Variants in IMMP2L observed in about 807,000 individuals in gnomAD.
IMMP2L encodes the protein mitochondrial inner membrane protease subunit 2.
A neutral mutation model predicts 19.3 loss-of-function variants in IMMP2L; 18 were observed. That is an observed-to-expected ratio of 0.93 (90% CI 0.64 to 1.38). The LOEUF (loss-of-function observed/expected upper bound fraction) is 1.38. Ranked by LOEUF, IMMP2L falls within the 40% of genes most tolerant of loss-of-function variation. IMMP2L has a pLI of 0.00. For missense variants in IMMP2L, 233 were observed against 218.2 expected (o/e 1.07, Z -0.43); for synonymous variants, 76 against 73.0 (o/e 1.04, Z -0.21).
intron 3 of IMMP2L, among the ~76,000 whole-genome samples, chr7:111,077,060 C>A (rs1490039154): frequency 6.6e-6 from 1 of 152,164 alleles, no homozygotes; most frequent in African/African-American, 2.4e-5. Flanking sequence ...GAAAGGCTGG[C>A]TTGCTGTATT....
In IMMP2L at chr7:111,286,579, C is replaced by T. The variant is rs138841904; in HGVS notation, c.239+200659G>A. On this transcript the variant is annotated intron_variant, in intron 3 of 5. Transcript: ENST00000405709. ...TATTATGCAAATATTATCATAGAGA[C>T]CGTTTTGATAAGGACAAAGTGGCAT... 4.2e-3 allele frequency among the ~76,000 whole-genome samples: 636 copies of T among 152,098 alleles called. 5 individuals carry two copies. The highest frequency in any genetic ancestry group is 0.015 in the African/African-American group (610 of 41,518).
At chr7:110,735,149 C>T (rs746355767) in intron 5 of IMMP2L, among the ~76,000 whole-genome samples, 4 of 152,072 alleles carry the variant, frequency 2.6e-5, no homozygotes, top group Admixed American at 6.6e-5. Flanking sequence ...CTGACACGTG[C>T]GCAGTAAGGG....
At chr7:111,434,834 C>T (rs1189033915) in intron 3 of IMMP2L, among the ~76,000 whole-genome samples, 1 of 151,886 alleles carries the variant, frequency 6.6e-6, no homozygotes, top group African/African-American at 2.4e-5. Flanking sequence ...GATTTACAAG[C>T]ATGAGCCACT....
At chr7:111,330,274 A>G (rs1190017850) in intron 3 of IMMP2L, among the ~76,000 whole-genome samples, 1 of 151,878 alleles carries the variant, frequency 6.6e-6, no homozygotes. Flanking sequence ...GAAAAATAGT[A>G]GAAAATCAAC....
intron 4 of IMMP2L, among the ~76,000 whole-genome samples, chr7:110,956,157 C>T (rs2045796409): frequency 6.6e-6 from 1 of 151,786 alleles, no homozygotes; most frequent in African/African-American, 2.4e-5. Context: ...TTGCTAATAC[C>T]AGAAAGTTGT....
intron 3 of IMMP2L, among the ~76,000 whole-genome samples, chr7:111,313,095 A>G (rs898332636): frequency 2.6e-5 from 4 of 152,112 alleles, no homozygotes; most frequent in African/African-American, 4.8e-5. Flanking sequence ...ATGCTCTGTT[A>G]TTGCTCAACA....
At chr7:110,734,842 G>A (rs1051690649) in intron 5 of IMMP2L, among the ~76,000 whole-genome samples, 1 of 152,122 alleles carries the variant, frequency 6.6e-6, no homozygotes, top group African/African-American at 2.4e-5. Context: ...GGTAAGAAAG[G>A]CTATAGAGAA....
chr7:111,415,504 C>T (rs1479517866), intron 3 of IMMP2L, among the ~76,000 whole-genome samples: 1 of 151,788 alleles, frequency 6.6e-6, no homozygotes, highest in African/African-American at 2.4e-5. Context: ...AAAACTAATA[C>T]AGTCTGTTAC....
chr7:111,522,926 C>CATATATATATATATATGTATATATAT lies in IMMP2L; in HGVS notation c.-2-1478_-2-1477insATATATATACATATATATATATATAT, dbSNP rs148789480. On this transcript the variant is annotated intron_variant, in intron 1 of 5. Transcript: ENST00000405709. ...TGAATGAACTTTAAGATGTGAGATA[C>CATATATATATATATATGTATATATAT]ATATATATATATTATTTCACCATAA... Among the ~76,000 whole-genome samples, 14 of 134,868 alleles carry CATATATATATATATATGTATATATAT rather than the reference C, an allele frequency of 1.0e-4. 1 individual carries two copies. The highest frequency in any genetic ancestry group is 2.8e-4 in the African/African-American group (9 of 31,668). The allele number at this position is 134,868 out of a possible 152,430, so 88.5% of individuals were successfully genotyped here.
chr7:111,441,915 G>A (rs1837772620), intron 3 of IMMP2L, among the ~76,000 whole-genome samples: 1 of 151,698 alleles, frequency 6.6e-6, no homozygotes. Context: ...AAGGCGGGCA[G>A]ATCACAAGGT....
At chr7:111,253,638 G>C (rs141420132) in intron 3 of IMMP2L, among the ~76,000 whole-genome samples, 50 of 152,284 alleles carry the variant, frequency 3.3e-4, no homozygotes, top group African/African-American at 1.1e-3. Flanking sequence ...AATCAGGAGA[G>C]TATAAGGTGT....
chr7:111,293,534 T>A (rs891003447), intron 3 of IMMP2L, among the ~76,000 whole-genome samples: 1 of 151,826 alleles, frequency 6.6e-6, no homozygotes, highest in Non-Finnish European at 1.5e-5. Flanking sequence ...ATAACTACTG[T>A]TTGACAAAGC....
chr7:110,737,432 A>G (rs572489407), intron 5 of IMMP2L, among the ~76,000 whole-genome samples: 3 of 152,244 alleles, frequency 2.0e-5, no homozygotes, highest in African/African-American at 7.2e-5. Context: ...CTGGCAACTC[A>G]GCAGAGGAAA....
At chr7:110,724,806 T>A (rs1562939071) in intron 5 of IMMP2L, among the ~76,000 whole-genome samples, 1 of 152,300 alleles carries the variant, frequency 6.6e-6, no homozygotes, top group East Asian at 1.9e-4. Context: ...CCTCCCCTCA[T>A]CAATAATCAC....
chr7:110,759,066 T>A (rs1798199256), intron 5 of IMMP2L, among the ~76,000 whole-genome samples: 1 of 152,132 alleles, frequency 6.6e-6, no homozygotes, highest in Non-Finnish European at 1.5e-5. Flanking sequence ...CTGTTTTGTA[T>A]AAATGCACGT....
chr7:110,994,136 T>TC (rs1822787245), intron 3 of IMMP2L, among the ~76,000 whole-genome samples: 1 of 148,910 alleles, frequency 6.7e-6, no homozygotes, highest in African/African-American at 2.4e-5. Context: ...TCTCTCTCTT[T>TC]TTTTTTTCTT....
chr7:111,012,351 C>T (rs886411982), intron 3 of IMMP2L, among the ~76,000 whole-genome samples: 1 of 152,080 alleles, frequency 6.6e-6, no homozygotes, highest in African/African-American at 2.4e-5. Context: ...TCAGAAATGA[C>T]TCACTATAGT....
At chr7:110,682,540 A>G (rs1277080341) in intron 5 of IMMP2L, among the ~76,000 whole-genome samples, 1 of 152,180 alleles carries the variant, frequency 6.6e-6, no homozygotes, top group East Asian at 1.9e-4. Context: ...CTGATTGGAT[A>G]TGGGAGCTGA....
At chr7:111,511,171 A>G (rs1585437373) in intron 2 of IMMP2L, among the ~76,000 whole-genome samples, 1 of 152,138 alleles carries the variant, frequency 6.6e-6, no homozygotes. Context: ...CACCCTGAAC[A>G]TAACACCACA....
Sources: allele counts gnomAD v4.1 joint callset (sites outside exome capture counted in the v4.1 genomes callset), GRCh38; gene constraint gnomAD v4.1.1; transcripts MANE v1.5; gene names NCBI Gene and HGNC (gene_info 2026-07-23, HGNC 2026-07-21).